The following EFR3B variants were observed in gnomAD, a reference collection of about 807,000 sequenced individuals.
EFR3B encodes the protein protein EFR3 homolog B.
A neutral mutation model predicts 104.7 loss-of-function variants in EFR3B; 64 were observed. The ratio of observed to expected loss-of-function variants is 0.61; its 90% confidence interval spans 0.50 to 0.75. The LOEUF (loss-of-function observed/expected upper bound fraction) is 0.75. Among genes scored for constraint, EFR3B ranks in the 30% least tolerant of loss-of-function variants. The pLI is 0.00. For synonymous variants in EFR3B, 385 were observed against 417.9 expected, an observed-to-expected ratio of 0.92 and a Z score of 0.96; for missense variants, 750 against 1,078.5, an observed-to-expected ratio of 0.70 and a Z score of 4.27.
chr2:25,139,746 TTTAAATAC>T (rs779714685), intron 16 of EFR3B, among the ~76,000 whole-genome samples: 4 of 152,228 alleles, frequency 2.6e-5, no homozygotes, highest in Admixed American at 6.5e-5. Context: ...CTGAACAAAT[TTTAAATAC>T]TTTAAACAAA....
intron 1 of EFR3B, among the ~76,000 whole-genome samples, chr2:25,086,090 A>G (rs569620707): frequency 6.6e-6 from 1 of 151,972 alleles, no homozygotes; most frequent in South Asian, 2.1e-4. Flanking sequence ...ATGTCTTTTC[A>G]TGGCTTGATC....
chr2:25,085,178 A>G (rs1056288217), intron 1 of EFR3B, among the ~76,000 whole-genome samples: 2 of 152,216 alleles, frequency 1.3e-5, no homozygotes, highest in Non-Finnish European at 2.9e-5. Flanking sequence ...ATTCTTTGGC[A>G]AATGATCTGG....
rs1004312233 is a variant in EFR3B at position 25,114,675 on chromosome 2, C to A, written c.364-6998C>A. Among the ~76,000 whole-genome samples the A allele has an allele frequency of 5.9e-5, 9 of 152,206 alleles. No individual in the cohort carries two copies. The highest frequency in any genetic ancestry group is 2.2e-4 in the African/African-American group (9 of 41,448). ...TTCAAGCCCAAACCACCCCAGTTCT[C>A]CCCTTCAGAGGAAGTGGCTGTCCAT... On this transcript the variant is annotated intron_variant, in intron 4 of 22. Coordinates refer to ENST00000403714, the MANE Select transcript of EFR3B (RefSeq NM_014971.2). The surrounding 1 kb of genome is among the most constrained non-coding windows in gnomAD (Gnocchi z 4.0).
intron 1 of EFR3B, among the ~76,000 whole-genome samples, chr2:25,090,007 C>T (rs574682468): frequency 6.6e-6 from 1 of 152,308 alleles, no homozygotes; most frequent in South Asian, 2.1e-4. Flanking sequence ...CACCCCATCC[C>T]CCTCCCAATC....
intron 20 of EFR3B, 83 bp from the exon 21 acceptor site, chr2:25,151,831 T>C: frequency 6.9e-7 from 1 of 1,446,564 alleles, no homozygotes; most frequent in Non-Finnish European, 9.5e-7. Flanking sequence ...CAAGCAATGC[T>C]CATGGACAGT....
chr2:25,086,457 A>G (rs895558717), intron 1 of EFR3B, among the ~76,000 whole-genome samples: 1 of 152,118 alleles, frequency 6.6e-6, no homozygotes, highest in Non-Finnish European at 1.5e-5. Context: ...GGCCATTCTA[A>G]TAGGTGTGGA....
At chr2:25,092,610 G>A (rs1302190484) in intron 2 of EFR3B, among the ~76,000 whole-genome samples, 1 of 149,124 alleles carries the variant, frequency 6.7e-6, no homozygotes, top group Non-Finnish European at 1.5e-5. Flanking sequence ...GTGCAATGGT[G>A]CAATCTTGGC....
chr2:25,139,269 A>G (rs1670597984), intron 16 of EFR3B, 79 bp downstream of exon 16: 1 of 1,465,008 alleles, frequency 6.8e-7, no homozygotes, highest in Admixed American at 2.4e-5. Context: ...TAATTGCATT[A>G]GTCCTGTACC....
intron 13 of EFR3B, 137 bp downstream of exon 13, chr2:25,135,776 T>TAC: frequency 2.8e-6 from 3 of 1,063,238 alleles, no homozygotes; most frequent in South Asian, 1.6e-5. Context: ...TATCCCACAA[T>TAC]TCAGATACTC....
At chr2:25,060,916 G>A (rs987299431) in intron 1 of EFR3B, among the ~76,000 whole-genome samples, 7 of 117,296 alleles carry the variant, frequency 6.0e-5, no homozygotes, top group African/African-American at 1.0e-4. Context: ...ACGAGACTCC[G>A]AATCAAAAAA....
At chr2:25,103,375 G>A (rs539681892) in intron 3 of EFR3B, among the ~76,000 whole-genome samples, 2 of 152,346 alleles carry the variant, frequency 1.3e-5, no homozygotes, top group Admixed American at 6.5e-5. Context: ...TATCTCATCC[G>A]TCGTCCTGTT....
At chr2:25,121,037 G>T (rs1669998449) in intron 4 of EFR3B, among the ~76,000 whole-genome samples, 1 of 152,118 alleles carries the variant, frequency 6.6e-6, no homozygotes, top group African/African-American at 2.4e-5. Context: ...AAAGTAGCTG[G>T]AATTACAGGT....
intron 1 of EFR3B, among the ~76,000 whole-genome samples, chr2:25,072,964 A>G (rs1372107346): frequency 1.3e-5 from 2 of 151,910 alleles, no homozygotes; most frequent in Admixed American, 6.5e-5. Flanking sequence ...AAAAGCTGTA[A>G]TGTCTGCACA....
rs78347469 is a variant in EFR3B, at chr2:25,153,538, G to A, written c.2299-174G>A. 0.022 allele frequency among the ~76,000 whole-genome samples: 3,388 copies of A among 152,020 alleles called. 308 individuals carry two copies. The East Asian group carries it at 0.31, about 14-fold the overall frequency. On this transcript the variant is annotated intron_variant, in intron 21 of 22. Transcript: ENST00000403714. ...TTCAGTAGGTGGCTTTCCCTGATCC[G>A]AATCTGCAGTCAGGGTCCAGTGGAT...
intron 1 of EFR3B, among the ~76,000 whole-genome samples, chr2:25,061,687 G>A (rs1004265928): frequency 6.6e-6 from 1 of 151,492 alleles, no homozygotes; most frequent in African/African-American, 2.4e-5. Flanking sequence ...GTAGAGACGG[G>A]ATTTCACCAT....
chr2:25,051,731 G>A (rs1193911741), intron 1 of EFR3B, among the ~76,000 whole-genome samples: 1 of 148,708 alleles, frequency 6.7e-6, no homozygotes, highest in African/African-American at 2.5e-5. Flanking sequence ...CGCTTCCCGG[G>A]TTCAAGTGAT....
At chr2:25,081,169 G>T in intron 1 of EFR3B, 3 of 729,320 alleles carry the variant, frequency 4.1e-6, no homozygotes, top group Non-Finnish European at 7.3e-6. Context: ...TCTCCCATTT[G>T]CTTGGTAAAC....
At chr2:25,126,136 G>A (rs1449101554) in intron 5 of EFR3B, among the ~76,000 whole-genome samples, 3 of 152,188 alleles carry the variant, frequency 2.0e-5, no homozygotes, top group Non-Finnish European at 2.9e-5. Flanking sequence ...TGCGGCTTGC[G>A]CATGGGCAGG....
chr2:25,059,419 C>T (rs1002693789), intron 1 of EFR3B, among the ~76,000 whole-genome samples: 3 of 152,018 alleles, frequency 2.0e-5, no homozygotes, highest in Non-Finnish European at 4.4e-5. Context: ...AATCTTGACA[C>T]ATAGTACAAC....
Sources: allele counts gnomAD v4.1 joint callset (sites outside exome capture counted in the v4.1 genomes callset), GRCh38; gene constraint gnomAD v4.1.1; non-coding constraint Gnocchi (gnomAD v3.1); transcripts MANE v1.5; gene names NCBI Gene and HGNC (gene_info 2026-07-23, HGNC 2026-07-21).